The following ERC1 variants were observed in gnomAD, a reference collection of about 807,000 sequenced individuals.
ERC1 encodes RAB6 interacting protein 2.
ERC1 carries 56 observed loss-of-function variants against 132.0 expected under a neutral mutation model. The ratio of observed to expected loss-of-function variants is 0.42; its 90% confidence interval spans 0.34 to 0.53. ERC1 has a LOEUF of 0.53. Ranked by LOEUF, ERC1 falls within the 20% of genes least tolerant of loss-of-function variation. ERC1 has a pLI of 0.03. For missense variants in ERC1, 1,202 were observed against 1,349.9 expected, an observed-to-expected ratio of 0.89 and a Z score of 1.72; for synonymous variants, 478 against 476.1, an observed-to-expected ratio of 1.00 and a Z score of -0.05.
At chr12:1,062,341 C>T (rs182806001) in intron 2 of ERC1, among the ~76,000 whole-genome samples, 4 of 151,936 alleles carry the variant, frequency 2.6e-5, no homozygotes, top group East Asian at 3.9e-4. Flanking sequence ...AGGCTGGTGT[C>T]GAACTCCTGA....
intron 16 of ERC1, among the ~76,000 whole-genome samples, chr12:1,394,029 A>AAC (rs1376085164): frequency 1.7e-5 from 2 of 119,424 alleles, no homozygotes; most frequent in African/African-American, 7.0e-5. Flanking sequence ...AAAAAAAAAA[A>AAC]AAAACAAAAA....
At chr12:1,001,922 G>T (rs1462714716) in intron 1 of ERC1, among the ~76,000 whole-genome samples, 1 of 143,844 alleles carries the variant, frequency 7.0e-6, no homozygotes, top group East Asian at 2.0e-4. Flanking sequence ...GTGCAGTGGC[G>T]CAATCTCTGC....
chr12:1,155,187 A>G (rs1261346903), intron 8 of ERC1, among the ~76,000 whole-genome samples: 1 of 152,006 alleles, frequency 6.6e-6, no homozygotes, highest in Non-Finnish European at 1.5e-5. Flanking sequence ...TCTGATGGGC[A>G]TATTGGTACG....
intron 15 of ERC1, among the ~76,000 whole-genome samples, chr12:1,305,550 A>G (rs921058707): frequency 1.3e-5 from 2 of 152,164 alleles, no homozygotes; most frequent in Non-Finnish European, 2.9e-5. Flanking sequence ...CTCATCAGCT[A>G]TAACTGAATT....
intron 15 of ERC1, among the ~76,000 whole-genome samples, chr12:1,314,607 A>C (rs2081559358): frequency 6.6e-6 from 1 of 152,198 alleles, no homozygotes; most frequent in Admixed American, 6.5e-5. Context: ...TGGTAAATTG[A>C]CATAAGGTAT....
chr12:1,083,068 A>T, intron 2 of ERC1, 96 bp from the exon 3 acceptor site: 1 of 1,036,734 alleles, frequency 9.6e-7, no homozygotes, highest in South Asian at 1.6e-5. Flanking sequence ...CTAGATGCAG[A>T]TTTCTTGTAG....
intron 2 of ERC1, among the ~76,000 whole-genome samples, chr12:1,069,009 ATTTAT>A (rs1565902223): frequency 1.3e-5 from 2 of 152,216 alleles, no homozygotes; most frequent in Non-Finnish European, 2.9e-5. Context: ...TGAGAGGTAG[ATTTAT>A]TTAATATTCC....
intron 14 of ERC1, among the ~76,000 whole-genome samples, chr12:1,277,659 C>T (rs2078367388): frequency 6.6e-6 from 1 of 152,094 alleles, no homozygotes; most frequent in South Asian, 2.1e-4. Context: ...TAGAATCATT[C>T]TGTCTTACAA....
chr12:1,270,330 C>T (rs1224872838), intron 14 of ERC1, among the ~76,000 whole-genome samples: 4 of 152,102 alleles, frequency 2.6e-5, no homozygotes, highest in African/African-American at 9.7e-5. Context: ...GCCTCAGCCT[C>T]CCAAGTAGCT....
chr12:1,057,585 G>GTTT (rs59761885), intron 2 of ERC1, among the ~76,000 whole-genome samples: 20 of 47,662 alleles, frequency 4.2e-4, no homozygotes, highest in South Asian at 2.0e-3. Context: ...GATGCGCATG[G>GTTT]TTTTTTTTTT....
At chr12:1,485,091 G>A (rs2094182802) in intron 18 of ERC1, among the ~76,000 whole-genome samples, 2 of 149,608 alleles carry the variant, frequency 1.3e-5, no homozygotes, top group African/African-American at 2.5e-5. Context: ...GTCTCGCTGT[G>A]TTGCGCAGGC....
chr12:1,023,544 A>G (rs982504277), intron 1 of ERC1, among the ~76,000 whole-genome samples: 6 of 152,190 alleles, frequency 3.9e-5, no homozygotes, highest in African/African-American at 1.4e-4. Context: ...AGTGGGATAC[A>G]TAGTTTTGAT....
intron 15 of ERC1, among the ~76,000 whole-genome samples, chr12:1,303,402 C>T (rs192380084): frequency 3.1e-4 from 47 of 152,104 alleles, no homozygotes; most frequent in African/African-American, 1.1e-3. Context: ...TTTGGGAGGC[C>T]GAGGCAGGCG....
At chr12:1,455,309 G>A (rs942521768) in intron 18 of ERC1, among the ~76,000 whole-genome samples, 1 of 152,062 alleles carries the variant, frequency 6.6e-6, no homozygotes, top group African/African-American at 2.4e-5. Context: ...TGGAACACTA[G>A]GTCTTACTTC....
At chr12:1,466,522 A>G (rs1428686275) in intron 18 of ERC1, among the ~76,000 whole-genome samples, 1 of 152,128 alleles carries the variant, frequency 6.6e-6, no homozygotes, top group Non-Finnish European at 1.5e-5. Context: ...CATGGCAACA[A>G]CTTCCGAACC....
intron 16 of ERC1, chr12:1,390,778 A>G (rs1277110150): frequency 6.6e-6 from 1 of 152,226 alleles, no homozygotes; most frequent in Non-Finnish European, 1.5e-5. Context: ...GCCCTGCCCT[A>G]GAAGTTTCCT....
intron 16 of ERC1, among the ~76,000 whole-genome samples, chr12:1,382,429 A>G (rs928908861): frequency 5.9e-5 from 9 of 152,224 alleles, no homozygotes; most frequent in African/African-American, 1.9e-4. Context: ...TCAGGCATCC[A>G]TGTTTCCCTG....
At chr12:1,062,385 G>A (rs1293378779) in intron 2 of ERC1, among the ~76,000 whole-genome samples, 3 of 152,110 alleles carry the variant, frequency 2.0e-5, no homozygotes, top group African/African-American at 4.8e-5. Flanking sequence ...GTCTCCCAAA[G>A]TGCTGGGATT....
At chr12:1,487,826 A>G (rs866903371) in intron 18 of ERC1, among the ~76,000 whole-genome samples, 2 of 145,464 alleles carry the variant, frequency 1.4e-5, no homozygotes, top group African/African-American at 2.5e-5. Flanking sequence ...GAGAGAGAGA[A>G]AGAAAAGAAA....
Sources: allele counts gnomAD v4.1 joint callset (sites outside exome capture counted in the v4.1 genomes callset), GRCh38; gene constraint gnomAD v4.1.1; transcripts MANE v1.5; gene names NCBI Gene and HGNC (gene_info 2026-07-23, HGNC 2026-07-21).